The following SNAP47 variants were observed in gnomAD, a reference collection of about 807,000 sequenced individuals.
SNAP47 encodes synaptosomal-associated protein 47.
In SNAP47, 20 loss-of-function variants were observed where a neutral mutation model predicts 31.4. That is an observed-to-expected ratio of 0.64 (90% CI 0.45 to 0.93). The LOEUF is 0.93. SNAP47 is among the 40% of genes least tolerant of loss of function. The probability of loss-of-function intolerance (pLI) is 0.00; values close to 1 mark genes in which losing one functional copy is unlikely to be tolerated. For synonymous variants in SNAP47, 194 were observed against 213.4 expected, an observed-to-expected ratio of 0.91 and a Z score of 0.79; for missense variants, 492 against 528.5, an observed-to-expected ratio of 0.93 and a Z score of 0.68.
At chr1:227,733,887 T>C (rs372265455), upstream of SNAP47, 1 of 1,612,388 alleles carries the variant, frequency 6.2e-7, no homozygotes, top group Non-Finnish European at 8.5e-7. Flanking sequence ...CGGGTTCCAC[T>C]CCCACATCCG....
intron 4 of SNAP47, among the ~76,000 whole-genome samples, chr1:227,773,322 C>T (rs1381836635): frequency 6.6e-6 from 1 of 151,892 alleles, no homozygotes; most frequent in Non-Finnish European, 1.5e-5. Flanking sequence ...GAGAAAACAG[C>T]ATATAGGATA....
intron 1 of SNAP47, among the ~76,000 whole-genome samples, chr1:227,745,430 C>G (rs989095149): frequency 6.6e-6 from 1 of 152,200 alleles, no homozygotes; most frequent in African/African-American, 2.4e-5. Context: ...ATAGAAACAT[C>G]TTAGGGTGTT....
chr1:227,735,663 AGGCGGTTCTGGGGGCGGGAGTGC>A, intron 1 of SNAP47, 164 bp downstream of exon 1: 1 of 984,500 alleles, frequency 1.0e-6, no homozygotes, highest in Non-Finnish European at 1.2e-6. Context: ...GCGGGGACAG[AGGCGGTTCTGGGGGCGGGAGTGC>A]GGCGGTGCGG....
At chr1:227,774,894 A>G (rs1024662762) in intron 4 of SNAP47, among the ~76,000 whole-genome samples, 2 of 152,254 alleles carry the variant, frequency 1.3e-5, no homozygotes, top group Non-Finnish European at 2.9e-5. Flanking sequence ...GTCTAGGAGC[A>G]GGGAGCGCTC....
At chr1:227,732,804 C>T (rs1423638424), upstream of SNAP47, 35 of 1,595,638 alleles carry the variant, frequency 2.2e-5, no homozygotes, top group Admixed American at 1.9e-4. Context: ...AGAAGCTGCG[C>T]GGTGACCAAG....
In SNAP47 at chr1:227,747,807, C is replaced by A; in HGVS notation, c.71C>A (p.Thr24Asn). ...CTGGAGCCCAAGAGGCGATGGGTTA[C>A]TGGACAGCTGTCCTTAACATCGCTG... ...YYLEPKRRWV[T>N]GQLSLTSLSL... Residue 24 changes from threonine to asparagine, a missense_variant, in exon 2 of 5, where the codon ACT (threonine) becomes AAT (asparagine). Coordinates refer to ENST00000617596, the MANE Select transcript of SNAP47 (RefSeq NM_053052.4). The A allele has an allele frequency of 6.2e-7, 1 of 1,614,208 alleles. No homozygotes were observed. Among genetic ancestry groups the A allele is most frequent in the Non-Finnish European group, 8.5e-7 (1 of 1,180,028 alleles).
chr1:227,732,395 T>TG, upstream of SNAP47: 1 of 1,612,122 alleles, frequency 6.2e-7, no homozygotes, highest in South Asian at 1.1e-5. Flanking sequence ...ACAGGTGCTA[T>TG]GGGGCCGCAG....
At chr1:227,730,339 G>C (rs894437980), upstream of SNAP47, 5 of 152,194 alleles carry the variant, frequency 3.3e-5, no homozygotes, top group Non-Finnish European at 7.3e-5. Flanking sequence ...TTGGGAAAGG[G>C]GCATCCTGCC....
intron 1 of SNAP47, among the ~76,000 whole-genome samples, chr1:227,737,451 A>G (rs1558188085): frequency 6.6e-6 from 1 of 152,258 alleles, no homozygotes; most frequent in Non-Finnish European, 1.5e-5. Flanking sequence ...TCTAGGGGCC[A>G]TCAGACCATG....
At chr1:227,749,212 G>GT (rs1662181032) in intron 2 of SNAP47, among the ~76,000 whole-genome samples, 2 of 152,110 alleles carry the variant, frequency 1.3e-5, no homozygotes, top group Admixed American at 1.3e-4. Flanking sequence ...TGTCGCGGTC[G>GT]TTTTTCCTAA....
At chr1:227,750,374 G>A (rs1187690001) in intron 2 of SNAP47, among the ~76,000 whole-genome samples, 33 of 152,258 alleles carry the variant, frequency 2.2e-4, no homozygotes, top group Admixed American at 1.9e-3. Context: ...ATTACAGGCC[G>A]AGCTGCTTTC....
upstream of SNAP47, chr1:227,734,223 A>G: frequency 1.6e-6 from 1 of 623,978 alleles, no homozygotes. Flanking sequence ...TCTGACTACA[A>G]TGGTTCTGCT....
upstream of SNAP47, chr1:227,735,071 C>T: frequency 6.4e-7 from 1 of 1,559,038 alleles, no homozygotes; most frequent in East Asian, 2.4e-5. Context: ...CCAGCGCCGC[C>T]GGCTGCCCCA....
At chr1:227,767,311 A>G (rs1426515912) in intron 4 of SNAP47, among the ~76,000 whole-genome samples, 1 of 152,204 alleles carries the variant, frequency 6.6e-6, no homozygotes, top group Non-Finnish European at 1.5e-5. Flanking sequence ...ACATTCAGAC[A>G]CATTCCTATG....
intron 4 of SNAP47, 111 bp from the exon 5 acceptor site, chr1:227,780,416 T>C: frequency 1.4e-6 from 2 of 1,465,976 alleles, no homozygotes; most frequent in East Asian, 2.3e-5. Flanking sequence ...GCAGATGGCA[T>C]CACCCAGGTG....
upstream of SNAP47, chr1:227,733,575 C>A: frequency 1.2e-6 from 2 of 1,606,552 alleles, no homozygotes; most frequent in South Asian, 2.2e-5. Context: ...CCGTGGCGGT[C>A]CCGCAGGGCC....
chr1:227,746,772 T>G (rs1661989373), intron 1 of SNAP47: 1 of 152,252 alleles, frequency 6.6e-6, no homozygotes, highest in Non-Finnish European at 1.5e-5. Context: ...TGAAATTCTG[T>G]GAGAGAAGTG....
At chr1:227,749,959 A>G (rs571781935) in intron 2 of SNAP47, among the ~76,000 whole-genome samples, 2 of 152,330 alleles carry the variant, frequency 1.3e-5, no homozygotes, top group East Asian at 3.9e-4. Flanking sequence ...GGAAAGTGAG[A>G]ACTTCCTCCT....
chr1:227,734,795 G>A (rs1351305915), upstream of SNAP47: 2 of 1,613,898 alleles, frequency 1.2e-6, no homozygotes, highest in Non-Finnish European at 8.5e-7. Flanking sequence ...CCCACAGTTT[G>A]CAACTGGTAC....
Sources: allele counts gnomAD v4.1 joint callset (sites outside exome capture counted in the v4.1 genomes callset), GRCh38; gene constraint gnomAD v4.1.1; transcripts MANE v1.5; gene names NCBI Gene and HGNC (gene_info 2026-07-23, HGNC 2026-07-21).